KCNB2: variants seen among roughly 807,000 people sequenced by gnomAD.
KCNB2 encodes the protein potassium voltage-gated channel subfamily B member 2.
A neutral mutation model predicts 61.5 loss-of-function variants in KCNB2; 15 were observed. That is an observed-to-expected ratio of 0.24 (90% CI 0.16 to 0.38). The LOEUF (loss-of-function observed/expected upper bound fraction) is 0.38, where lower values mean the gene tolerates loss of function less well. Among genes scored for constraint, KCNB2 ranks in the 10% least tolerant of loss-of-function variants. KCNB2 has a pLI of 1.00. For synonymous variants in KCNB2, 457 were observed against 446.0 expected (o/e 1.02, Z -0.31); for missense variants, 828 against 1,125.2 (o/e 0.74, Z 3.78).
At chr8:72,747,468 G>C (rs1027839922) in intron 2 of KCNB2, among the ~76,000 whole-genome samples, 3 of 152,144 alleles carry the variant, frequency 2.0e-5, no homozygotes, top group Non-Finnish European at 4.4e-5. Context: ...GTCTGTGACA[G>C]AGGCATTCCC....
intron 2 of KCNB2, among the ~76,000 whole-genome samples, chr8:72,809,165 T>C (rs1563391453): frequency 6.6e-6 from 1 of 152,190 alleles, no homozygotes; most frequent in Non-Finnish European, 1.5e-5. Flanking sequence ...CCTTTAGATC[T>C]AGTAAGGTAC....
intron 2 of KCNB2, among the ~76,000 whole-genome samples, chr8:72,620,628 G>T (rs544589136): frequency 6.6e-6 from 1 of 151,978 alleles, no homozygotes; most frequent in East Asian, 1.9e-4. Context: ...ATTTTTTTGA[G>T]ATGGAGTTTC....
At chr8:72,890,175 C>T (rs866647090) in intron 2 of KCNB2, among the ~76,000 whole-genome samples, 1 of 152,088 alleles carries the variant, frequency 6.6e-6, no homozygotes, top group Non-Finnish European at 1.5e-5. Context: ...ACAAAGTGAC[C>T]GCAGATGATT....
chr8:72,862,553 A>G (rs1335953217), intron 2 of KCNB2, among the ~76,000 whole-genome samples: 1 of 152,188 alleles, frequency 6.6e-6, no homozygotes, highest in Non-Finnish European at 1.5e-5. Flanking sequence ...TTTATTGAGA[A>G]TCTTTTCCTT....
At chr8:72,696,106 T>G (rs6997935) in intron 2 of KCNB2, among the ~76,000 whole-genome samples, 6,426 of 152,296 alleles carry the variant, frequency 0.042, 184 homozygotes, top group African/African-American at 0.082. Flanking sequence ...GACGAGATGA[T>G]AAATCTGATG....
At chr8:72,857,903 A>C (rs1199393997) in intron 2 of KCNB2, among the ~76,000 whole-genome samples, 1 of 152,196 alleles carries the variant, frequency 6.6e-6, no homozygotes. Flanking sequence ...ATTTCTTAAC[A>C]AGTGGGTGCA....
At position 72,561,762 on chromosome 8, in the gene KCNB2, G is replaced by C. The variant is rs7357391; in HGVS notation, c.-93-5880G>C. ...ATATATATATGTATATATATATATG[G>C]ATATATATATATATGGATATATATA... is the stretch of plus-strand genomic sequence containing the variant. On this transcript the variant is annotated intron_variant, in intron 1 of 2. Coordinates refer to ENST00000523207, the MANE Select transcript of KCNB2 (RefSeq NM_004770.3). 1.8e-3 allele frequency among the ~76,000 whole-genome samples: 27 copies of C among 14,750 alleles called. 1 individual carries two copies. Among genetic ancestry groups the C allele is most frequent in the African/African-American group, 5.7e-3 (23 of 4,040 alleles). The allele number at this position is 14,750 out of a possible 152,430, so 9.7% of individuals were successfully genotyped here.
chr8:72,897,660 T>G (rs1429858579), intron 2 of KCNB2, among the ~76,000 whole-genome samples: 3 of 152,178 alleles, frequency 2.0e-5, no homozygotes, highest in Admixed American at 6.6e-5. Flanking sequence ...GTTGTCTATT[T>G]GTCCCAAATT....
chr8:72,887,968 T>C (rs1805833316), intron 2 of KCNB2, among the ~76,000 whole-genome samples: 1 of 152,262 alleles, frequency 6.6e-6, no homozygotes, highest in Admixed American at 6.5e-5. Context: ...AAACACAGTC[T>C]GCCTTATACC....
intron 2 of KCNB2, among the ~76,000 whole-genome samples, chr8:72,765,774 A>G (rs1808452006): frequency 6.6e-6 from 1 of 152,224 alleles, no homozygotes; most frequent in Non-Finnish European, 1.5e-5. Flanking sequence ...TTGTTAAGAC[A>G]CTAATTGGTG....
chr8:72,847,493 G>A (rs1810015974), intron 2 of KCNB2, among the ~76,000 whole-genome samples: 1 of 152,098 alleles, frequency 6.6e-6, no homozygotes, highest in African/African-American at 2.4e-5. Context: ...TTAGCTGTTT[G>A]GTTTCCCAGA....
At chr8:72,566,981 T>TGGC (rs1321165447) in intron 1 of KCNB2, among the ~76,000 whole-genome samples, 4 of 152,020 alleles carry the variant, frequency 2.6e-5, no homozygotes, top group Non-Finnish European at 4.4e-5. Context: ...TTGGGCAGAC[T>TGGC]GGCACCTTGG....
intron 2 of KCNB2, among the ~76,000 whole-genome samples, chr8:72,675,176 T>A (rs1020207066): frequency 4.6e-5 from 7 of 152,290 alleles, no homozygotes; most frequent in Non-Finnish European, 1.0e-4. Context: ...TCTAGGTATA[T>A]TGGAAAAAAA....
intron 2 of KCNB2, chr8:72,874,862 A>G (rs1805677946): frequency 6.6e-6 from 1 of 152,266 alleles, no homozygotes; most frequent in Non-Finnish European, 1.5e-5. Context: ...ATCTTGGAGC[A>G]GACTAATAGC....
chr8:72,842,633 A>G (rs947106906), intron 2 of KCNB2, among the ~76,000 whole-genome samples: 1 of 152,134 alleles, frequency 6.6e-6, no homozygotes, highest in Non-Finnish European at 1.5e-5. Flanking sequence ...GTCTATTCAA[A>G]GATTTGACTT....
chr8:72,928,141 G>A (rs1186890518), intron 2 of KCNB2, among the ~76,000 whole-genome samples: 4 of 151,006 alleles, frequency 2.6e-5, no homozygotes, highest in Admixed American at 2.6e-4. Context: ...TCTTTTCAAA[G>A]AGCTAAAAAC....
chr8:72,856,428 G>T (rs1585934954), intron 2 of KCNB2, among the ~76,000 whole-genome samples: 1 of 151,958 alleles, frequency 6.6e-6, no homozygotes, highest in South Asian at 2.1e-4. Flanking sequence ...TCCAGGTAAG[G>T]TCAGCAACCA....
chr8:72,849,126 AAG>A (rs553385309), intron 2 of KCNB2, among the ~76,000 whole-genome samples: 62 of 126,708 alleles, frequency 4.9e-4, no homozygotes, highest in African/African-American at 1.6e-3. Context: ...TAGCCACAAA[AAG>A]AGGTTTTTCC....
chr8:72,823,843 C>A (rs913146099), intron 2 of KCNB2, among the ~76,000 whole-genome samples: 4 of 152,106 alleles, frequency 2.6e-5, no homozygotes, highest in Non-Finnish European at 5.9e-5. Context: ...GACCAAAGCC[C>A]AGGTGTCCTG....
Sources: allele counts gnomAD v4.1 joint callset (sites outside exome capture counted in the v4.1 genomes callset), GRCh38; gene constraint gnomAD v4.1.1; transcripts MANE v1.5; gene names NCBI Gene and HGNC (gene_info 2026-07-23, HGNC 2026-07-21).